The following NLRC5 variants were observed in gnomAD, a reference collection of about 807,000 sequenced individuals.
The protein encoded by NLRC5 is NLR family CARD domain containing 5, also known as protein NLRC5.
Under a neutral mutation model 206.9 loss-of-function variants are expected in NLRC5, and 114 were observed. The ratio of observed to expected loss-of-function variants is 0.55; its 90% CI spans 0.47 to 0.64. The LOEUF is 0.64. Among genes scored for constraint, NLRC5 ranks in the 30% least tolerant of loss-of-function variants. The pLI, the probability that NLRC5 is intolerant of heterozygous loss-of-function variation, is 0.00. For synonymous variants in NLRC5, 952 were observed against 962.8 expected (o/e 0.99, Z 0.21); for missense variants, 2,008 against 2,305.5 (o/e 0.87, Z 2.64).
chr16:57,055,156 C>T, intron 26 of NLRC5, 62 bp downstream of exon 26: 3 of 1,562,604 alleles, frequency 1.9e-6, no homozygotes, highest in East Asian at 2.2e-5. Flanking sequence ...AGATCTGCCT[C>T]CTGGGTGGCC....
intron 23 of NLRC5, among the ~76,000 whole-genome samples, chr16:57,050,341 G>A (rs861966): frequency 0.08 from 12,132 of 151,954 alleles, 589 homozygotes; most frequent in African/African-American, 0.14. Flanking sequence ...TGCTCCTCCC[G>A]CCCTACCCTG....
At chr16:57,001,258 G>C (rs559656899) in intron 1 of NLRC5, among the ~76,000 whole-genome samples, 1 of 152,324 alleles carries the variant, frequency 6.6e-6, no homozygotes, top group South Asian at 2.1e-4. Context: ...CTGTTTCTTT[G>C]AGGTATTTCT....
chr16:57,082,489 C>T lies in NLRC5; in HGVS notation c.5562C>T (p.Ala1854=), dbSNP rs372903017. 6 of 1,613,698 alleles carry T rather than the reference C, an allele frequency of 3.7e-6. No homozygotes were observed. The highest frequency in any genetic ancestry group is 5.1e-6 in the Non-Finnish European group (6 of 1,179,846). Residue 1854 remains alanine (A), a synonymous_variant, in exon 49 of 49, where the codon GCC becomes GCT. Coordinates refer to ENST00000688547, the MANE Select transcript of NLRC5 (RefSeq NM_001384950.1). ...GCCAGGAGCCCAGGCTGGACTTTGC[C>T]TTCTTTGACAACCAGCCCCAGGCCC... ...LKSQEPRLDF[A]FFDNQPQAPW...
intron 1 of NLRC5, among the ~76,000 whole-genome samples, chr16:57,016,342 C>T (rs1168719367): frequency 1.3e-5 from 2 of 152,342 alleles, no homozygotes; most frequent in Admixed American, 1.3e-4. Context: ...TCCATTATGT[C>T]AGAATGTGCC....
chr16:57,025,062 C>T (rs11644125), intron 5 of NLRC5, among the ~76,000 whole-genome samples: 70,003 of 152,082 alleles, frequency 0.46, 18,256 homozygotes, highest in Middle Eastern at 0.62. Flanking sequence ...TTCCCCTCCC[C>T]CCATCTTACT....
intron 1 of NLRC5, among the ~76,000 whole-genome samples, chr16:57,016,095 A>G (rs2060071434): frequency 1.3e-5 from 2 of 151,910 alleles, no homozygotes; most frequent in South Asian, 4.2e-4. Flanking sequence ...CATGCCTGTA[A>G]TCCCAGCTAC....
chr16:57,022,198 TG>T, intron 3 of NLRC5, 57 bp from the exon 4 acceptor site: 1 of 1,498,868 alleles, frequency 6.7e-7, no homozygotes, highest in South Asian at 1.2e-5. Flanking sequence ...AGGCCAGAGC[TG>T]GTCCCCAGCA....
chr16:57,004,888 A>G (rs2058723203), intron 1 of NLRC5, among the ~76,000 whole-genome samples: 1 of 152,168 alleles, frequency 6.6e-6, no homozygotes, highest in African/African-American at 2.4e-5. Context: ...CCTCAGACTC[A>G]GAGCCCCCAT....
At position 57,039,763 on chromosome 16, in the gene NLRC5, C is replaced by T. The variant is rs769593757; in HGVS notation, c.2802-18C>T. ...GCCAATAACCTCTCGCTTCCTCACC[C>T]CTCTTTTGTCTTCACAGCCTGCAGC... On this transcript the variant is annotated intron_variant, in intron 15 of 48. Transcript: ENST00000688547. 3.7e-5 allele frequency: 59 copies of T among 1,612,140 alleles called. No individual in the cohort carries two copies. Among genetic ancestry groups the T allele is most frequent in the Middle Eastern group, 3.3e-4 (2 of 6,082 alleles).
chr16:57,034,108 A>T, intron 12 of NLRC5, 60 bp from the exon 13 acceptor site: 1 of 1,405,910 alleles, frequency 7.1e-7, no homozygotes, highest in Non-Finnish European at 1.0e-6. Context: ...TGGAAGCTGG[A>T]GGGGCCATGG....
rs1426472522 is a variant in NLRC5 at position 56,997,507 on chromosome 16, T to C, written c.-128+7890T>C. 2.6e-5 allele frequency among the ~76,000 whole-genome samples: 4 copies of C among 152,282 alleles called. No individual in the cohort carries two copies. In the South Asian group the frequency reaches 8.3e-4, roughly 32 times the overall value. ...AAAACTGTCCAAGGTTGCACAGCAC[T>C]AAAATGTTGAAATCAGGATTTAAAC... On this transcript the variant is annotated intron_variant, in intron 1 of 48. Transcript: ENST00000688547.
In NLRC5 at chr16:57,006,868, G is replaced by A. The variant is rs140000764; in HGVS notation, c.-127-10206G>A. Among the ~76,000 whole-genome samples, 1,156 of 129,308 alleles carry A rather than the reference G, an allele frequency of 8.9e-3. 21 individuals carry two copies. The highest frequency in any genetic ancestry group is 0.03 in the African/African-American group (1,097 of 36,016). 84.8% of individuals were successfully genotyped at this position (129,308 alleles called of 152,430 possible). ...ATTTGTATACACATTTTTTGAGACA[G>A]GGTCACAAAACCGTTAACACATTAT... On this transcript the variant is annotated intron_variant, in intron 1 of 48. Coordinates refer to ENST00000688547, the MANE Select transcript of NLRC5 (RefSeq NM_001384950.1).
intron 43 of NLRC5, 59 bp downstream of exon 43, chr16:57,078,079 A>T: frequency 2.2e-6 from 3 of 1,344,260 alleles, no homozygotes; most frequent in Non-Finnish European, 3.0e-6. Flanking sequence ...CCTCGGGAGC[A>T]GTGGGGGGGT....
intron 1 of NLRC5, among the ~76,000 whole-genome samples, chr16:57,008,553 C>T (rs1240520602): frequency 6.6e-6 from 1 of 152,080 alleles, no homozygotes; most frequent in Non-Finnish European, 1.5e-5. Context: ...CAACATAGTC[C>T]TCAAAGCAGA....
At chr16:57,072,757 C>T (rs1177423666) in intron 38 of NLRC5, among the ~76,000 whole-genome samples, 1 of 151,984 alleles carries the variant, frequency 6.6e-6, no homozygotes, top group Non-Finnish European at 1.5e-5. Flanking sequence ...CATGAAATGC[C>T]CCGGGGATGA....
chr16:56,990,533 A>T (rs763924319), intron 1 of NLRC5: 24 of 152,292 alleles, frequency 1.6e-4, no homozygotes, highest in Admixed American at 5.2e-4. Flanking sequence ...GGCTGGGGTG[A>T]TCATTCGAGG....
chr16:57,049,240 G>C (rs1381076371), intron 23 of NLRC5, among the ~76,000 whole-genome samples: 1 of 152,250 alleles, frequency 6.6e-6, no homozygotes, highest in Non-Finnish European at 1.5e-5. Flanking sequence ...ACTTGGTCTA[G>C]ATTGAAATCC....
intron 23 of NLRC5, among the ~76,000 whole-genome samples, chr16:57,049,252 A>G (rs1384690359): frequency 2.0e-5 from 3 of 152,216 alleles, no homozygotes; most frequent in African/African-American, 7.2e-5. Flanking sequence ...TTGAAATCCA[A>G]ACTGCTTCTA....
At chr16:57,078,466 G>GTTTTTTTTTTTTTTTTTT (rs71383218) in intron 43 of NLRC5, among the ~76,000 whole-genome samples, 36 of 92,208 alleles carry the variant, frequency 3.9e-4, no homozygotes, top group African/African-American at 1.5e-3. Context: ...CTGGGACCTT[G>GTTTTTTTTTTTTTTTTTT]TTTTTTTTTT....
Sources: allele counts gnomAD v4.1 joint callset (sites outside exome capture counted in the v4.1 genomes callset), GRCh38; gene constraint gnomAD v4.1.1; transcripts MANE v1.5; gene names NCBI Gene and HGNC (gene_info 2026-07-23, HGNC 2026-07-21).